TCF7L1: variants seen among roughly 807,000 people sequenced by gnomAD.
TCF7L1 encodes the protein transcription factor 7 like 1.
In TCF7L1, 18 loss-of-function variants were observed where a neutral mutation model predicts 63.7. The observed-to-expected ratio is 0.28, with a 90% CI of 0.20 to 0.42. TCF7L1 has a LOEUF of 0.42. TCF7L1 is among the 10% of genes least tolerant of loss of function. TCF7L1 has a pLI of 1.00. For synonymous variants in TCF7L1, 355 were observed against 340.9 expected, an observed-to-expected ratio of 1.04 and a Z score of -0.46; for missense variants, 654 against 779.3, an observed-to-expected ratio of 0.84 and a Z score of 1.91.
intron 3 of TCF7L1, among the ~76,000 whole-genome samples, chr2:85,269,409 C>T (rs1360139017): frequency 1.3e-5 from 2 of 152,196 alleles, no homozygotes; most frequent in Non-Finnish European, 2.9e-5. Flanking sequence ...TACGTATATA[C>T]ATGTGTATAC....
chr2:85,146,695 G>C (rs976846148), intron 3 of TCF7L1, among the ~76,000 whole-genome samples: 2 of 151,814 alleles, frequency 1.3e-5, no homozygotes, highest in African/African-American at 4.8e-5. Context: ...GTAGAGACGA[G>C]ATTTCACTGT....
chr2:85,211,176 A>G (rs1679533402), intron 3 of TCF7L1, among the ~76,000 whole-genome samples: 1 of 152,176 alleles, frequency 6.6e-6, no homozygotes, highest in Non-Finnish European at 1.5e-5. Context: ...TTACTGAGAG[A>G]TAGGCATGTC....
chr2:85,309,713 G>A lies in TCF7L1; in HGVS notation c.*251G>A, dbSNP rs542974588. The A allele has an allele frequency of 6.2e-5, 26 of 417,252 alleles. No homozygotes were observed. In the South Asian group the frequency reaches 1.3e-3, roughly 22 times the overall value. 25.8% of individuals were successfully genotyped at this position (417,252 alleles called of 1,614,324 possible). The stretch of plus-strand genomic sequence containing the variant: ...AGAACTGAAAAGTAGCGTGCTATTC[G>A]TCCTGTAGGTGCTGTGGTGGATGGA... On this transcript the variant is annotated 3_prime_UTR_variant, in exon 12 of 12. Coordinates refer to ENST00000282111, the MANE Select transcript of TCF7L1 (RefSeq NM_031283.3).
chr2:85,201,961 A>T (rs1011983991), intron 3 of TCF7L1, among the ~76,000 whole-genome samples: 3 of 83,104 alleles, frequency 3.6e-5, no homozygotes, highest in Admixed American at 3.3e-4. Context: ...TTATTTATTT[A>T]TTTATTTTAT....
At chr2:85,213,732 G>A (rs1679625800) in intron 3 of TCF7L1, 1 of 152,212 alleles carries the variant, frequency 6.6e-6, no homozygotes, top group Non-Finnish European at 1.5e-5. Context: ...TCAAAACTCT[G>A]GAGGGAAGGC....
chr2:85,262,317 T>C, intron 3 of TCF7L1: 1 of 547,724 alleles, frequency 1.8e-6, no homozygotes, highest in Admixed American at 1.9e-5. Context: ...TATGCCATGG[T>C]GGAATTTCAC....
intron 3 of TCF7L1, among the ~76,000 whole-genome samples, chr2:85,161,745 G>A (rs1301713953): frequency 6.6e-6 from 1 of 152,204 alleles, no homozygotes; most frequent in East Asian, 1.9e-4. Context: ...TTAACTTGTG[G>A]TGGGGCCTGC....
At chr2:85,210,247 C>T (rs528827699) in intron 3 of TCF7L1, among the ~76,000 whole-genome samples, 70 of 152,336 alleles carry the variant, frequency 4.6e-4, no homozygotes, top group African/African-American at 1.6e-3. Flanking sequence ...TGGCCCCTTC[C>T]CCACACACAT....
intron 3 of TCF7L1, among the ~76,000 whole-genome samples, chr2:85,270,069 G>A (rs996550187): frequency 2.0e-5 from 3 of 152,206 alleles, no homozygotes; most frequent in Non-Finnish European, 2.9e-5. Context: ...TGCAGGAGCC[G>A]CGGGGAAGGG....
At chr2:85,300,783 C>CT (rs57906226) in intron 4 of TCF7L1, among the ~76,000 whole-genome samples, 11,507 of 143,654 alleles carry the variant, frequency 0.08, 617 homozygotes, top group African/African-American at 0.15. Context: ...TTACAAATCT[C>CT]TTTTTTTTTT....
intron 3 of TCF7L1, among the ~76,000 whole-genome samples, chr2:85,180,932 C>G (rs1348626708): frequency 1.3e-5 from 2 of 152,206 alleles, no homozygotes; most frequent in African/African-American, 4.8e-5. Flanking sequence ...ATTCCTAGCC[C>G]CAGCCTTCCT....
intron 10 of TCF7L1, among the ~76,000 whole-genome samples, chr2:85,307,168 A>T (rs891509275): frequency 1.9e-5 from 2 of 105,960 alleles, no homozygotes; most frequent in African/African-American, 2.9e-5. Flanking sequence ...GTCTCCAGCC[A>T]CTCCTAACCC....
chr2:85,287,642 T>C (rs1681594467), intron 4 of TCF7L1, among the ~76,000 whole-genome samples: 1 of 152,212 alleles, frequency 6.6e-6, no homozygotes, highest in South Asian at 2.1e-4. Flanking sequence ...TATATTATAA[T>C]ATAGCAAAGC....
chr2:85,184,471 C>A lies in TCF7L1; in HGVS notation c.441+50021C>A, dbSNP rs558371092. ...TGGAGGAGAATGAGCGGACAAGGAG[C>A]AAATTTAAGAGCCAGCTTTCAGGAA... On this transcript the variant is annotated intron_variant, in intron 3 of 11. Transcript: ENST00000282111. 3.3e-5 allele frequency among the ~76,000 whole-genome samples: 5 copies of A among 152,218 alleles called. No individual in the cohort carries two copies. In the South Asian group the frequency reaches 1.0e-3, roughly 32 times the overall value.
chr2:85,191,644 G>T (rs1240773099), intron 3 of TCF7L1, among the ~76,000 whole-genome samples: 1 of 152,090 alleles, frequency 6.6e-6, no homozygotes, highest in East Asian at 1.9e-4. Context: ...GATCAACGTG[G>T]TGAAACTCTG....
intron 3 of TCF7L1, among the ~76,000 whole-genome samples, chr2:85,189,470 A>G (rs569678560): frequency 1.3e-5 from 2 of 152,162 alleles, no homozygotes; most frequent in African/African-American, 4.8e-5. Context: ...GCATTCTGTT[A>G]TTTATTTGTT....
At chr2:85,305,651 G>A (rs1031294473) in intron 8 of TCF7L1, among the ~76,000 whole-genome samples, 2 of 152,152 alleles carry the variant, frequency 1.3e-5, no homozygotes, top group Non-Finnish European at 2.9e-5. Context: ...GGTCTCAGAG[G>A]CTGAAAGAGA....
At chr2:85,159,541 G>A (rs180730635) in intron 3 of TCF7L1, among the ~76,000 whole-genome samples, 2 of 152,338 alleles carry the variant, frequency 1.3e-5, no homozygotes. Flanking sequence ...GAAGATCTGA[G>A]GGAATGTGAA....
rs1395145640 is a variant in TCF7L1 at position 85,143,415 on chromosome 2, G to A, written c.441+8965G>A. On this transcript the variant is annotated intron_variant, in intron 3 of 11. Coordinates refer to ENST00000282111, the MANE Select transcript of TCF7L1 (RefSeq NM_031283.3). ...CTGGCAAATATGAGGTAAAATGGCT[G>A]CTCCGGCTGCTCTTTTTGGCTGGTC... Among the ~76,000 whole-genome samples, 3 of 152,134 alleles carry A rather than the reference G, an allele frequency of 2.0e-5. No homozygotes were observed. The East Asian group carries it at 5.8e-4, about 29-fold the overall frequency.
Sources: gnomAD v4.1 joint callset for allele counts (sites outside exome capture counted in the v4.1 genomes callset) on GRCh38, gnomAD v4.1.1 for gene constraint, MANE v1.5 for transcripts, NCBI Gene and HGNC (gene_info 2026-07-23, HGNC 2026-07-21) for gene names.